Variants in CCDC146 observed in about 807,000 individuals in gnomAD.
CCDC146 encodes coiled-coil domain-containing protein 146.
A neutral mutation model predicts 119.3 loss-of-function variants in CCDC146; 92 were observed. The ratio of observed to expected loss-of-function variants is 0.77; its 90% CI spans 0.65 to 0.92. CCDC146 has a LOEUF of 0.92. CCDC146 is among the 40% of genes least tolerant of loss of function. CCDC146 has a pLI of 0.00. For synonymous variants in CCDC146, 372 were observed against 371.8 expected (o/e 1.00, Z -0.01); for missense variants, 1,000 against 1,103.0 (o/e 0.91, Z 1.32).
chr7:77,200,644 G>T (rs1187130211), intron 2 of CCDC146, among the ~76,000 whole-genome samples: 1 of 152,142 alleles, frequency 6.6e-6, no homozygotes, highest in Non-Finnish European at 1.5e-5. Context: ...CTTTCTTTCT[G>T]CAGGTAGCCC....
chr7:77,196,843 T>G lies in CCDC146; in HGVS notation c.156+29019T>G, dbSNP rs748206225. On this transcript the variant is annotated intron_variant, in intron 2 of 18. Coordinates refer to ENST00000285871, the MANE Select transcript of CCDC146 (RefSeq NM_020879.3). The surrounding 1 kb of genome is among the most constrained non-coding windows in gnomAD (Gnocchi z 4.2). ...TCCCATCGAGACGTGCCTGCAGCAC[T>G]GTCCAGCCTCCCCCCATGGTCTCCA... 1 of 1,614,014 alleles carries G rather than the reference T, an allele frequency of 6.2e-7. No homozygotes were observed. Among genetic ancestry groups the G allele is most frequent in the South Asian group, 1.1e-5 (1 of 91,058 alleles).
intron 2 of CCDC146, among the ~76,000 whole-genome samples, chr7:77,202,956 G>A (rs1792019244): frequency 6.6e-6 from 1 of 151,638 alleles, no homozygotes; most frequent in Non-Finnish European, 1.5e-5. Flanking sequence ...ACTATGTGGA[G>A]AGCCTGTGCT....
chr7:77,177,484 G>A lies in CCDC146; in HGVS notation c.156+9660G>A, dbSNP rs989820262. 3.3e-5 allele frequency among the ~76,000 whole-genome samples: 5 copies of A among 152,250 alleles called. No individual in the cohort carries two copies. The East Asian group carries it at 5.8e-4, about 18-fold the overall frequency. ...TGAGACTCGCCCTGGGTTACACATC[G>A]GGGTGGAATTTGGAACCCAATCTTC... On this transcript the variant is annotated intron_variant, in intron 2 of 18. Coordinates refer to ENST00000285871, the MANE Select transcript of CCDC146 (RefSeq NM_020879.3).
rs1056660071 is a variant in CCDC146, at chr7:77,163,506, C to A, written c.-11-4152C>A. Among the ~76,000 whole-genome samples the A allele has an allele frequency of 1.2e-3, 187 of 151,972 alleles. 1 individual carries two copies. The highest frequency in any genetic ancestry group is 2.3e-3 in the Non-Finnish European group (158 of 68,004). On this transcript the variant is annotated intron_variant, in intron 1 of 18. Transcript: ENST00000285871. ...AAATAAATAGATGCACTATACTTTG[C>A]AACCCTTTTGTAATAGCAGAAAACT...
chr7:77,282,458 T>C, intron 14 of CCDC146, 99 bp from the exon 15 acceptor site: 1 of 711,702 alleles, frequency 1.4e-6, no homozygotes, highest in South Asian at 1.9e-5. Flanking sequence ...GTATGCTATG[T>C]TGTGTATATC....
At position 77,161,859 on chromosome 7, in the gene CCDC146, C is replaced by T. The variant is rs190398530; in HGVS notation, c.-11-5799C>T. Among the ~76,000 whole-genome samples the T allele has an allele frequency of 1.9e-3, 284 of 148,012 alleles. 1 individual carries two copies. Among genetic ancestry groups the T allele is most frequent in the African/African-American group, 6.4e-3 (265 of 41,410 alleles). On this transcript the variant is annotated intron_variant, in intron 1 of 18. Transcript: ENST00000285871. ...AGCCATCCTAACAGGTGTGAGGCGA[C>T]ATCTTATTGTGGTTTTGATTTGCAT...
intron 18 of CCDC146, 62 bp downstream of exon 18, chr7:77,293,262 C>T (rs2150560800): frequency 2.0e-6 from 3 of 1,482,212 alleles, no homozygotes; most frequent in Non-Finnish European, 1.8e-6. Flanking sequence ...ATTCAGGCAA[C>T]CCACAGTTAT....
At chr7:77,125,590 A>C (rs946368248) in intron 1 of CCDC146, among the ~76,000 whole-genome samples, 3 of 151,960 alleles carry the variant, frequency 2.0e-5, no homozygotes, top group African/African-American at 7.3e-5. Flanking sequence ...TCAGATGGGC[A>C]GAAGATTTCT....
chr7:77,253,239 A>C (rs946330927), intron 4 of CCDC146, among the ~76,000 whole-genome samples: 1 of 152,256 alleles, frequency 6.6e-6, no homozygotes, highest in Non-Finnish European at 1.5e-5. Flanking sequence ...TTCACCTGAA[A>C]TATCCATTCA....
At chr7:77,199,856 G>C in intron 2 of CCDC146, 17 of 1,540,602 alleles carry the variant, frequency 1.1e-5, no homozygotes, top group Non-Finnish European at 1.5e-5. Flanking sequence ...AATAGCGGCA[G>C]CTGCCTGAGT....
chr7:77,206,373 T>C (rs1185429062), intron 2 of CCDC146, among the ~76,000 whole-genome samples: 1 of 152,082 alleles, frequency 6.6e-6, no homozygotes, highest in African/African-American at 2.4e-5. Context: ...TTCCAACACT[T>C]TGGGAGGCCA....
intron 6 of CCDC146, among the ~76,000 whole-genome samples, chr7:77,257,724 A>G (rs3108429): frequency 0.76 from 114,983 of 152,074 alleles, 44,786 homozygotes; most frequent in Non-Finnish European, 0.87. Context: ...ACCTCCCTGC[A>G]TGTGTGTTAC....
In CCDC146 at chr7:77,282,784, A is replaced by T. The variant is rs756697694; in HGVS notation, c.2147A>T (p.Gln716Leu). 6.2e-6 allele frequency: 10 copies of T among 1,608,488 alleles called. No homozygotes were observed. The South Asian group carries it at 1.1e-4, about 18-fold the overall frequency. ...LDADLAVLQI[Q>L]FSQCTDRIKD... is the part of the protein sequence containing the mutation. ...GCCGACCTAGCTGTGCTCCAAATTC[A>T]GGTGGGTGAGTGATCACGGGACACT... is the stretch of plus-strand genomic sequence containing the variant. The change falls in exon 15 of 19, where the codon CAG (glutamine) becomes CTG (leucine). Residue 716 changes from glutamine (Q) to leucine (L), a missense_variant and splice_region_variant. By Grantham distance (113) the Gln-to-Leu change is moderately radical. Around this residue, in one of 2 missense-constraint regions of CCDC146, gnomAD observed 985 missense variants for 1,045.3 expected, o/e 0.94. Transcript: ENST00000285871.
intron 1 of CCDC146, among the ~76,000 whole-genome samples, chr7:77,131,550 T>A (rs1419755958): frequency 6.6e-6 from 1 of 151,990 alleles, no homozygotes. Context: ...AAACCACGTC[T>A]CTACTAAAAA....
chr7:77,201,815 T>G (rs1398555376), intron 2 of CCDC146, among the ~76,000 whole-genome samples: 4 of 152,190 alleles, frequency 2.6e-5, no homozygotes, highest in African/African-American at 9.7e-5. Context: ...ACCTCATTTC[T>G]TCTCACCTAT....
At chr7:77,191,846 C>T (rs530637667) in intron 2 of CCDC146, among the ~76,000 whole-genome samples, 23 of 152,040 alleles carry the variant, frequency 1.5e-4, no homozygotes, top group African/African-American at 4.6e-4. Context: ...GGAGGCGGAG[C>T]GTGCAGTGAG....
intron 1 of CCDC146, among the ~76,000 whole-genome samples, chr7:77,131,430 A>G (rs1401949507): frequency 1.3e-5 from 2 of 152,116 alleles, no homozygotes; most frequent in African/African-American, 4.8e-5. Flanking sequence ...AAAAATCTCA[A>G]GAACAGGCCG....
intron 2 of CCDC146, among the ~76,000 whole-genome samples, chr7:77,168,862 C>T (rs1428207023): frequency 2.0e-5 from 3 of 151,954 alleles, no homozygotes; most frequent in Non-Finnish European, 2.9e-5. Flanking sequence ...TCTGAAGACA[C>T]GATGCCCCTT....
intron 8 of CCDC146, among the ~76,000 whole-genome samples, chr7:77,261,421 C>T (rs184424046): frequency 6.6e-6 from 1 of 152,268 alleles, no homozygotes; most frequent in Admixed American, 6.5e-5. Flanking sequence ...TGACCTCCAG[C>T]TCCACCCACG....
Sources: allele counts gnomAD v4.1 joint callset (sites outside exome capture counted in the v4.1 genomes callset), GRCh38; gene constraint gnomAD v4.1.1; regional missense constraint gnomAD v4.1.1; non-coding constraint Gnocchi (gnomAD v3.1); transcripts MANE v1.5; gene names NCBI Gene and HGNC (gene_info 2026-07-23, HGNC 2026-07-21).